The following DVL3 variants were observed in gnomAD, a reference collection of about 807,000 sequenced individuals.
DVL3 encodes the protein segment polarity protein dishevelled homolog DVL-3.
DVL3 carries 27 observed loss-of-function variants against 67.4 expected under a neutral mutation model. The ratio of observed to expected loss-of-function variants is 0.40; its 90% CI spans 0.30 to 0.55. The LOEUF is 0.55. Ranked by LOEUF, DVL3 falls within the 20% of genes least tolerant of loss-of-function variation. DVL3 has a pLI of 0.46. For missense variants in DVL3, 819 were observed against 1,021.5 expected (o/e 0.80, Z 2.70); for synonymous variants, 369 against 396.8 (o/e 0.93, Z 0.83).
At chr3:184,161,253 C>G (rs1714370990) in intron 1 of DVL3, among the ~76,000 whole-genome samples, 1 of 152,246 alleles carries the variant, frequency 6.6e-6, no homozygotes, top group Non-Finnish European at 1.5e-5. Context: ...ACGGTGAAAC[C>G]CTATCTCTAC....
At position 184,155,891 on chromosome 3, in the gene DVL3, T is replaced by C; in HGVS notation, c.161+95T>C. 7.0e-7 allele frequency: 1 copy of C among 1,435,960 alleles called. No homozygotes were observed. Among genetic ancestry groups the C allele is most frequent in the Non-Finnish European group, 9.4e-7 (1 of 1,066,920 alleles). 89.0% of individuals were successfully genotyped at this position (1,435,960 alleles called of 1,614,324 possible). A position where few individuals can be genotyped will look rare whatever the true frequency, so the allele number is the denominator to read the frequency against. On this transcript the variant is annotated intron_variant, in intron 1 of 14. Coordinates refer to ENST00000313143, the MANE Select transcript of DVL3 (RefSeq NM_004423.4). The surrounding 1 kb of genome is among the most constrained non-coding windows in gnomAD (Gnocchi z 5.4). ...TTTCGACTTGCCTCGCTACACCGGC[T>C]CCTAGCCCCGCTCTGACTTCTAGGG...
At position 184,170,007 on chromosome 3, in the gene DVL3, C is replaced by T. The variant is rs1714752484; in HGVS notation, c.1500C>T (p.Asn500=). 2.5e-6 allele frequency: 4 copies of T among 1,601,602 alleles called. No homozygotes were observed. The highest frequency in any genetic ancestry group is 3.4e-6 in the Non-Finnish European group (4 of 1,171,598). The part of the protein sequence containing the change: ...CYYIFGDLCG[N]MANLSLHDHD... Reference sequence around the variant, plus strand: ...TCCATCCGGCCCTCCCCTTCACAGACATGGCCAACCTGTCTCTCCACGATC... The same window carrying T: ...TCCATCCGGCCCTCCCCTTCACAGATATGGCCAACCTGTCTCTCCACGATC... The change falls in exon 14 of 15, where the codon AAC becomes AAT. Residue 500 remains asparagine, a splice_region_variant and synonymous_variant. Coordinates refer to ENST00000313143, the MANE Select transcript of DVL3 (RefSeq NM_004423.4). The surrounding 1 kb of genome is among the most constrained non-coding windows in gnomAD (Gnocchi z 6.5).
rs1352572319 is a variant in DVL3, at chr3:184,171,504, CA to C, written c.*750del. ...CTAACCAGCAGGCTCATCTCACCTC[CA>C]GGCCTGAAACATTTCTTTTCTTTCT... On this transcript the variant is annotated 3_prime_UTR_variant, in exon 15 of 15. Coordinates refer to ENST00000313143, the MANE Select transcript of DVL3 (RefSeq NM_004423.4). 9 of 985,924 alleles carry C rather than the reference CA, an allele frequency of 9.1e-6. No individual in the cohort carries two copies. In the African/African-American group the frequency reaches 1.6e-4, roughly 17 times the overall value. 61.1% of individuals were successfully genotyped at this position (985,924 alleles called of 1,614,324 possible).
chr3:184,166,249 G>A lies in DVL3; in HGVS notation c.887G>A (p.Gly296Glu), dbSNP rs1291672312. ...AVAADGRIEP[G>E]DMLLQVNEIN... ...GCTGCTGATGGACGCATCGAGCCAG[G>A]AGATATGTTGTTACAGGTATCAGTG... is the stretch of plus-strand genomic sequence containing the variant. Residue 296 changes from glycine (G) to glutamate (E), a missense_variant, in exon 8 of 15, where the codon GGA becomes GAA. Gly to Glu is a moderately conservative substitution (Grantham distance 98). Coordinates refer to ENST00000313143, the MANE Select transcript of DVL3 (RefSeq NM_004423.4). The surrounding 1 kb of genome is among the most constrained non-coding windows in gnomAD (Gnocchi z 6.7). The A allele has an allele frequency of 6.2e-7, 1 of 1,612,712 alleles. No individual in the cohort carries two copies. The highest frequency in any genetic ancestry group is 1.1e-5 in the South Asian group (1 of 91,012).
At chr3:184,168,953 TG>T (rs1423448301) in intron 13 of DVL3, among the ~76,000 whole-genome samples, 3 of 152,192 alleles carry the variant, frequency 2.0e-5, no homozygotes, top group African/African-American at 7.2e-5. Context: ...GAGCTAGGCC[TG>T]GCTGGGAACG....
In DVL3 at chr3:184,167,929, T is replaced by C. The variant is rs866774385; in HGVS notation, c.1362T>C (p.Asn454=). The part of the protein sequence containing the change: ...GSDVVDWLYH[N]VEGFTDRREA... ...ATGTGGTGGACTGGCTGTACCACAATGTGGAAGGCTTCACGGACCGGAGGG... is the reference window on the plus strand; with the variant it reads ...ATGTGGTGGACTGGCTGTACCACAACGTGGAAGGCTTCACGGACCGGAGGG... Residue 454 remains asparagine, a synonymous_variant, in exon 13 of 15, where the codon AAT becomes AAC. Coordinates refer to ENST00000313143, the MANE Select transcript of DVL3 (RefSeq NM_004423.4). This position sits in a 1 kb window ranked among gnomAD's most constrained non-coding sequence, Gnocchi z 4.6. The C allele has an allele frequency of 2.5e-6, 4 of 1,614,210 alleles. No homozygotes were observed. Among genetic ancestry groups the C allele is most frequent in the Middle Eastern group, 3.3e-4 (2 of 6,062 alleles).
At chr3:184,168,883 C>T (rs937693002) in intron 13 of DVL3, among the ~76,000 whole-genome samples, 1 of 152,104 alleles carries the variant, frequency 6.6e-6, no homozygotes, top group African/African-American at 2.4e-5. Flanking sequence ...TGTATAATTT[C>T]CCCGGGGGCG....
At chr3:184,156,072 A>G (rs1048953173) in intron 1 of DVL3, among the ~76,000 whole-genome samples, 3 of 152,030 alleles carry the variant, frequency 2.0e-5, no homozygotes, top group African/African-American at 7.2e-5. Context: ...ACCTCTTCAG[A>G]GACCAGTGGC....
chr3:184,164,686 TC>T lies in DVL3; in HGVS notation c.463+88del. On this transcript the variant is annotated intron_variant, in intron 4 of 14. Transcript: ENST00000313143. This position sits in a 1 kb window ranked among gnomAD's most constrained non-coding sequence, Gnocchi z 5.3. ...CAGCTACCCACCTTCTTGCCCTACT[TC>T]CCGAGCTCAGGATATGCCTGGCCCC... 1.3e-6 allele frequency: 2 copies of T among 1,568,168 alleles called. No homozygotes were observed. The highest frequency in any genetic ancestry group is 4.5e-5 in the East Asian group (2 of 44,446).
chr3:184,165,278 T>G lies in DVL3; in HGVS notation c.693+72T>G. ...CCTTCCTACGCAGGGCCAAGGCTTGTTCTTCCTTAGATCCCATCCCCCTAG... is the reference window on the plus strand; with the variant it reads ...CCTTCCTACGCAGGGCCAAGGCTTGGTCTTCCTTAGATCCCATCCCCCTAG... On this transcript the variant is annotated intron_variant, in intron 6 of 14. Transcript: ENST00000313143. The surrounding 1 kb of genome is among the most constrained non-coding windows in gnomAD (Gnocchi z 4.1). 1 of 1,544,612 alleles carries G rather than the reference T, an allele frequency of 6.5e-7. No individual in the cohort carries two copies. The highest frequency in any genetic ancestry group is 8.8e-7 in the Non-Finnish European group (1 of 1,135,706).
chr3:184,158,811 C>T (rs1364254001), intron 1 of DVL3, among the ~76,000 whole-genome samples: 6 of 138,130 alleles, frequency 4.3e-5, no homozygotes, highest in African/African-American at 8.2e-5. Context: ...GTTTTGCTCT[C>T]GTCACCCAGG....
chr3:184,173,246 G>C lies in DVL3; in HGVS notation c.*2491G>C, dbSNP rs1714910331. ...CATCACAATCTACATAGGCTCACCA[G>C]CTAGAAACATTTATGAGCTTACATT... On this transcript the variant is annotated 3_prime_UTR_variant, in exon 15 of 15. Coordinates refer to ENST00000313143, the MANE Select transcript of DVL3 (RefSeq NM_004423.4). 1 of 152,206 alleles carries C rather than the reference G, an allele frequency of 6.6e-6. No individual in the cohort carries two copies. The highest frequency in any genetic ancestry group is 2.1e-4 in the South Asian group (1 of 4,832). 9.4% of individuals were successfully genotyped at this position (152,206 alleles called of 1,614,324 possible).
In DVL3 at chr3:184,166,305, C is replaced by G. The variant is rs1577049842; in HGVS notation, c.903+40C>G. 1.2e-6 allele frequency: 2 copies of G among 1,607,150 alleles called. No individual in the cohort carries two copies. The highest frequency in any genetic ancestry group is 2.2e-5 in the South Asian group (2 of 90,418). ...CCTAGGCGGTGGTGTGGATAGAGGG[C>G]AGGGAGGTGTCCTACCATCTGTACC... On this transcript the variant is annotated intron_variant, in intron 8 of 14. Transcript: ENST00000313143. This position sits in a 1 kb window ranked among gnomAD's most constrained non-coding sequence, Gnocchi z 6.7.
chr3:184,164,583 A>G lies in DVL3; in HGVS notation c.445A>G (p.Arg149Gly). The change falls in exon 4 of 15, where the codon AGG becomes GGG. Residue 149 changes from arginine (R) to glycine (G), a missense_variant. Physicochemically the swap from Arg to Gly is moderately radical, Grantham distance 125. Around this residue, in one of 3 missense-constraint regions of DVL3, gnomAD observed 385 missense variants for 486.8 expected, o/e 0.79. Coordinates refer to ENST00000313143, the MANE Select transcript of DVL3 (RefSeq NM_004423.4). The surrounding 1 kb of genome is among the most constrained non-coding windows in gnomAD (Gnocchi z 5.3). Reference protein sequence around the residue: ...VSAQRERPRRRDGPEHATRLN... With the variant: ...VSAQRERPRRGDGPEHATRLN... ...TGCCCAGCGAGAGCGGCCACGCCGG[A>G]GGGATGGCCCAGAGCATGGTATATC... is the stretch of plus-strand genomic sequence containing the variant. The G allele has an allele frequency of 6.4e-7, 1 of 1,560,442 alleles. No homozygotes were observed. The highest frequency in any genetic ancestry group is 8.7e-7 in the Non-Finnish European group (1 of 1,152,570).
chr3:184,164,723 C>T lies in DVL3; in HGVS notation c.464-73C>T. On this transcript the variant is annotated intron_variant, in intron 4 of 14. Transcript: ENST00000313143. The surrounding 1 kb of genome is among the most constrained non-coding windows in gnomAD (Gnocchi z 5.3). Reference sequence around the variant, plus strand: ...GATATGCCTGGCCCCAGTGCAGCCCCTGGCTTGCCTCTCTCCCTCCTTCAC... The same window carrying T: ...GATATGCCTGGCCCCAGTGCAGCCCTTGGCTTGCCTCTCTCCCTCCTTCAC... 6.2e-7 allele frequency: 1 copy of T among 1,605,636 alleles called. No homozygotes were observed. The highest frequency in any genetic ancestry group is 8.5e-7 in the Non-Finnish European group (1 of 1,174,922).
chr3:184,163,792 A>C lies in DVL3; in HGVS notation c.231+66A>C. On this transcript the variant is annotated intron_variant, in intron 2 of 14. Transcript: ENST00000313143. The surrounding 1 kb of genome is among the most constrained non-coding windows in gnomAD (Gnocchi z 4.5). ...CTGGGCTGGACGAGGGAAAGGCATC[A>C]CTGAGATTGTAGCTGGTGGTTTTAA... The C allele has an allele frequency of 7.0e-7, 1 of 1,420,898 alleles. No individual in the cohort carries two copies. Among genetic ancestry groups the C allele is most frequent in the Admixed American group, 1.7e-5 (1 of 57,964 alleles). The allele number at this position is 1,420,898 out of a possible 1,614,324, so 88.0% of individuals were successfully genotyped here. A position where few individuals can be genotyped will look rare whatever the true frequency, so the allele number is the denominator to read the frequency against.
At chr3:184,158,597 G>A (rs376039975) in intron 1 of DVL3, among the ~76,000 whole-genome samples, 7 of 152,016 alleles carry the variant, frequency 4.6e-5, no homozygotes, top group African/African-American at 9.7e-5. Context: ...AAGGTCAGGC[G>A]GAGGTCAGTG....
rs1714615396 is a variant in DVL3 at position 184,166,973 on chromosome 3, A to G, written c.1196A>G (p.Glu399Gly). 6.2e-7 allele frequency: 1 copy of G among 1,613,946 alleles called. No individual in the cohort carries two copies. ...ATCACCAGTTCCATCCCTGACACAG[A>G]GCGTGAGTGTCCCACCCTGTCTCCT... ...SSITSSIPDT[E>G]RLDDFHLSIH... The change falls in exon 11 of 15, where the codon GAG becomes GGG. Residue 399 changes from glutamate to glycine, a missense_variant and splice_region_variant. Glu to Gly is a moderately conservative substitution (Grantham distance 98). Transcript: ENST00000313143. The surrounding 1 kb of genome is among the most constrained non-coding windows in gnomAD (Gnocchi z 6.7).
In DVL3 at chr3:184,166,831, C is replaced by T. The variant is rs1263679375; in HGVS notation, c.1054C>T (p.Pro352Ser). 1 of 1,613,922 alleles carries T rather than the reference C, an allele frequency of 6.2e-7. No individual in the cohort carries two copies. Among genetic ancestry groups the T allele is most frequent in the Non-Finnish European group, 8.5e-7 (1 of 1,179,940 alleles). ...ACTCCTCATCCTCCCTGCAGGCGAGCCCATCCGGCCCATTGACCCTGCGGC... is the reference window on the plus strand; with the variant it reads ...ACTCCTCATCCTCCCTGCAGGCGAGTCCATCCGGCCCATTGACCCTGCGGC... ...RGCFTLPRSEPIRPIDPAAWV... is the reference protein window; with the variant it reads ...RGCFTLPRSESIRPIDPAAWV... The change falls in exon 11 of 15, where the codon CCC becomes TCC. Residue 352 changes from proline (P) to serine (S), a missense_variant. By Grantham distance (74) the Pro-to-Ser change is moderately conservative (BLOSUM62 -1). Coordinates refer to ENST00000313143, the MANE Select transcript of DVL3 (RefSeq NM_004423.4). This position sits in a 1 kb window ranked among gnomAD's most constrained non-coding sequence, Gnocchi z 6.7.
Sources: allele counts gnomAD v4.1 joint callset (sites outside exome capture counted in the v4.1 genomes callset), GRCh38; gene constraint gnomAD v4.1.1; regional missense constraint gnomAD v4.1.1; non-coding constraint Gnocchi (gnomAD v3.1); transcripts MANE v1.5; gene names NCBI Gene and HGNC (gene_info 2026-07-23, HGNC 2026-07-21).